The following SYNDIG1 variants were observed in gnomAD, a reference collection of about 807,000 sequenced individuals.
SYNDIG1 encodes synapse differentiation-inducing gene protein 1.
SYNDIG1 carries 9 observed loss-of-function variants against 19.4 expected under a neutral mutation model. The observed-to-expected ratio is 0.46, with a 90% CI of 0.28 to 0.81. The LOEUF (loss-of-function observed/expected upper bound fraction) is 0.81, where lower values mean the gene tolerates loss of function less well. SYNDIG1 is among the 30% of genes least tolerant of loss of function. SYNDIG1 has a pLI of 0.12. For synonymous variants in SYNDIG1, 141 were observed against 145.9 expected, an observed-to-expected ratio of 0.97 and a Z score of 0.24; for missense variants, 311 against 343.3, an observed-to-expected ratio of 0.91 and a Z score of 0.74.
chr20:24,639,702 AG>A lies in SYNDIG1; in HGVS notation c.619-25641del, dbSNP rs1169467395. Among the ~76,000 whole-genome samples, 5 of 152,370 alleles carry A rather than the reference AG, an allele frequency of 3.3e-5. No homozygotes were observed. In the East Asian group the frequency reaches 9.6e-4, roughly 29 times the overall value. The stretch of plus-strand genomic sequence containing the variant: ...ACATTGTGATAAACTATGAAAAAAC[AG>A]GGTGAAAACATCAGAAGCAATTACA... On this transcript the variant is annotated intron_variant, in intron 3 of 3. Transcript: ENST00000376862.
At chr20:24,604,089 G>A (rs369662780) in intron 3 of SYNDIG1, among the ~76,000 whole-genome samples, 21 of 152,124 alleles carry the variant, frequency 1.4e-4, no homozygotes, top group Middle Eastern at 3.4e-3. Flanking sequence ...TTGTCACAAA[G>A]ACAGACTTCT....
At chr20:24,470,061 C>G (rs1355219457) in intron 1 of SYNDIG1, among the ~76,000 whole-genome samples, 1 of 152,152 alleles carries the variant, frequency 6.6e-6, no homozygotes, top group East Asian at 1.9e-4. Context: ...CCTTGCCACC[C>G]CGGGAGACGC....
chr20:24,605,654 A>G (rs2058747380), intron 3 of SYNDIG1, among the ~76,000 whole-genome samples: 1 of 152,214 alleles, frequency 6.6e-6, no homozygotes, highest in African/African-American at 2.4e-5. Context: ...ATGAACAAAT[A>G]CATCATGTCT....
chr20:24,502,065 G>A (rs765989889), intron 1 of SYNDIG1: 1 of 152,332 alleles, frequency 6.6e-6, no homozygotes, highest in Non-Finnish European at 1.5e-5. Flanking sequence ...GTGAGTGAAT[G>A]TCCTATACAG....
intron 2 of SYNDIG1, among the ~76,000 whole-genome samples, chr20:24,577,145 C>A (rs908556388): frequency 6.6e-6 from 1 of 152,212 alleles, no homozygotes; most frequent in Non-Finnish European, 1.5e-5. Flanking sequence ...GGACTCTGCA[C>A]TCTGGAACCC....
At chr20:24,554,981 A>C (rs377435585) in intron 2 of SYNDIG1, among the ~76,000 whole-genome samples, 3 of 151,940 alleles carry the variant, frequency 2.0e-5, no homozygotes, top group Admixed American at 6.6e-5. Context: ...ACAATTTCAG[A>C]TCCTGTTATT....
intron 2 of SYNDIG1, among the ~76,000 whole-genome samples, chr20:24,566,068 G>T (rs558246662): frequency 6.6e-6 from 1 of 152,222 alleles, no homozygotes; most frequent in Non-Finnish European, 1.5e-5. Context: ...CCAGGGAGGA[G>T]CAGTGAGTGA....
intron 3 of SYNDIG1, among the ~76,000 whole-genome samples, chr20:24,662,238 C>T (rs966927821): frequency 2.0e-5 from 3 of 151,764 alleles, no homozygotes; most frequent in South Asian, 2.1e-4. Context: ...GTGTGAACAG[C>T]GCTGCACTTG....
intron 1 of SYNDIG1, among the ~76,000 whole-genome samples, chr20:24,482,361 G>A (rs750372769): frequency 1.3e-5 from 2 of 152,122 alleles, no homozygotes; most frequent in East Asian, 1.9e-4. Context: ...GAGTCACCAC[G>A]CCCGGCCGTG....
At chr20:24,518,006 C>T (rs114156676) in intron 1 of SYNDIG1, among the ~76,000 whole-genome samples, 5,524 of 151,448 alleles carry the variant, frequency 0.036, 332 homozygotes, top group African/African-American at 0.13. Context: ...GGGGCTTCTC[C>T]GTGTTAGCCA....
At chr20:24,569,116 A>G (rs2146930911) in intron 2 of SYNDIG1, among the ~76,000 whole-genome samples, 1 of 152,340 alleles carries the variant, frequency 6.6e-6, no homozygotes, top group African/African-American at 2.4e-5. Flanking sequence ...TACGAACTCA[A>G]TAAATCAGTC....
In SYNDIG1 at chr20:24,665,885, C is replaced by T. The variant is rs1399924800; in HGVS notation, c.*381C>T. ...TGTTTATTTTTTATGGAATACGGTG[C>T]AATAGGCAGAGGACAAGGGACACAT... On this transcript the variant is annotated 3_prime_UTR_variant, in exon 4 of 4. Transcript: ENST00000376862. 1 of 210,178 alleles carries T rather than the reference C, an allele frequency of 4.8e-6. No individual in the cohort carries two copies. The highest frequency in any genetic ancestry group is 2.4e-5 in the African/African-American group (1 of 42,376). 13.0% of individuals were successfully genotyped at this position (210,178 alleles called of 1,614,324 possible).
intron 3 of SYNDIG1, among the ~76,000 whole-genome samples, chr20:24,652,576 T>A (rs1254312283): frequency 1.3e-5 from 2 of 152,238 alleles, no homozygotes; most frequent in Non-Finnish European, 2.9e-5. Flanking sequence ...TTCAGCCGAC[T>A]GTGATATAGG....
intron 3 of SYNDIG1, among the ~76,000 whole-genome samples, chr20:24,588,610 G>T (rs974256472): frequency 1.3e-5 from 2 of 152,182 alleles, no homozygotes; most frequent in African/African-American, 4.8e-5. Flanking sequence ...CATCACCCGG[G>T]AGGGGCCGTG....
At chr20:24,612,729 G>A (rs901756522) in intron 3 of SYNDIG1, among the ~76,000 whole-genome samples, 1 of 152,188 alleles carries the variant, frequency 6.6e-6, no homozygotes, top group African/African-American at 2.4e-5. Flanking sequence ...AAGGGTTCCA[G>A]CTCTTAGTGG....
chr20:24,589,050 A>G (rs150192125), intron 3 of SYNDIG1, among the ~76,000 whole-genome samples: 23 of 152,318 alleles, frequency 1.5e-4, no homozygotes, highest in African/African-American at 5.3e-4. Flanking sequence ...CATTGCAAGC[A>G]CGCTTTGTAA....
chr20:24,547,278 G>A (rs867744240), intron 2 of SYNDIG1, among the ~76,000 whole-genome samples: 3 of 152,244 alleles, frequency 2.0e-5, no homozygotes, highest in South Asian at 4.1e-4. Flanking sequence ...ATTTATGAAG[G>A]AGCCTCTCCA....
chr20:24,565,914 C>A (rs2058035303), intron 2 of SYNDIG1, among the ~76,000 whole-genome samples: 1 of 152,106 alleles, frequency 6.6e-6, no homozygotes, highest in South Asian at 2.1e-4. Context: ...CTCCAGATCT[C>A]CATTTAAATG....
intron 3 of SYNDIG1, among the ~76,000 whole-genome samples, chr20:24,645,489 A>G (rs1222857084): frequency 2.6e-5 from 4 of 152,236 alleles, no homozygotes; most frequent in African/African-American, 9.6e-5. Context: ...ACAGCTCAGC[A>G]AGGAAAACTG....
Sources: gnomAD v4.1 joint callset for allele counts (sites outside exome capture counted in the v4.1 genomes callset) on GRCh38, gnomAD v4.1.1 for gene constraint, MANE v1.5 for transcripts, NCBI Gene and HGNC (gene_info 2026-07-23, HGNC 2026-07-21) for gene names.